ACSM3: variants seen among roughly 807,000 people sequenced by gnomAD.
ACSM3 encodes acyl-coenzyme A synthetase ACSM3, mitochondrial.
A neutral mutation model predicts 74.1 loss-of-function variants in ACSM3; 61 were observed. The ratio of observed to expected loss-of-function variants is 0.82; its 90% CI spans 0.67 to 1.02. The LOEUF (loss-of-function observed/expected upper bound fraction) is 1.02. Ranked by LOEUF, ACSM3 falls within the 50% of genes least tolerant of loss-of-function variation. The pLI, the probability that ACSM3 is intolerant of heterozygous loss-of-function variation, is 0.00. For missense variants in ACSM3, 660 were observed against 697.0 expected, an observed-to-expected ratio of 0.95 and a Z score of 0.60; for synonymous variants, 213 against 241.5, an observed-to-expected ratio of 0.88 and a Z score of 1.09.
At chr16:20,705,018 T>C (rs1296607069) in intron 1 of ACSM3, among the ~76,000 whole-genome samples, 1 of 152,218 alleles carries the variant, frequency 6.6e-6, no homozygotes, top group Non-Finnish European at 1.5e-5. Flanking sequence ...TACTATGTAG[T>C]ATTTTCCATA....
At chr16:20,713,880 G>A (rs1304783889) in intron 1 of ACSM3, among the ~76,000 whole-genome samples, 1 of 152,186 alleles carries the variant, frequency 6.6e-6, no homozygotes, top group African/African-American at 2.4e-5. Context: ...AGGGAAAGCT[G>A]TCTCATTGCC....
At chr16:20,704,211 T>C (rs1311643584) in intron 1 of ACSM3, among the ~76,000 whole-genome samples, 1 of 152,222 alleles carries the variant, frequency 6.6e-6, no homozygotes, top group Non-Finnish European at 1.5e-5. Context: ...ATTTATTGAA[T>C]GTTTGTTTCA....
chr16:20,690,864 TA>T, intron 1 of ACSM3: 1 of 820,416 alleles, frequency 1.2e-6, no homozygotes, highest in Non-Finnish European at 1.8e-6. Context: ...CCTTGAAATA[TA>T]AGCTTCTTCC....
At chr16:20,784,868 A>G in intron 7 of ACSM3, 116 bp from the exon 8 acceptor site, 2 of 1,112,402 alleles carry the variant, frequency 1.8e-6, no homozygotes, top group Non-Finnish European at 2.5e-6. Flanking sequence ...TGTGCTAGGG[A>G]GAGGAATTAA....
chr16:20,733,205 T>C (rs924393711), intron 1 of ACSM3, among the ~76,000 whole-genome samples: 1 of 152,138 alleles, frequency 6.6e-6, no homozygotes, highest in South Asian at 2.1e-4. Context: ...AATGATGGTT[T>C]CTAGTGTTTA....
chr16:20,755,434 A>C (rs1458117169), intron 2 of ACSM3: 1 of 152,148 alleles, frequency 6.6e-6, no homozygotes, highest in African/African-American at 2.4e-5. Flanking sequence ...TAAATGAAAA[A>C]AATATATATC....
chr16:20,793,788 G>A (rs755059829), intron 12 of ACSM3, among the ~76,000 whole-genome samples: 2 of 152,204 alleles, frequency 1.3e-5, no homozygotes, highest in South Asian at 2.1e-4. Context: ...AAGGTTTCAC[G>A]AGTCTTAGCT....
intron 4 of ACSM3, chr16:20,780,316 A>C (rs1567353169): frequency 3.1e-6 from 1 of 321,062 alleles, no homozygotes; most frequent in African/African-American, 2.1e-5. Context: ...TAACATACTC[A>C]TTTTTAAAAA....
rs1414833232 is a variant in ACSM3, at chr16:20,681,131, C to G, written c.-190+6309C>G. 4 of 152,218 alleles carry G rather than the reference C, an allele frequency of 2.6e-5. No individual in the cohort carries two copies. In the East Asian group the frequency reaches 7.7e-4, roughly 29 times the overall value. The allele number at this position is 152,218 out of a possible 1,614,324, so 9.4% of individuals were successfully genotyped here. A position where few individuals can be genotyped will look rare whatever the true frequency, so the allele number is the denominator to read the frequency against. On this transcript the variant is annotated intron_variant, in intron 1 of 3. Transcript: ENST00000561584. ...AGATGGGTCATGGGGTTACCACACC[C>G]CAATCTATATGCTCAACTGCATCAT...
At chr16:20,763,183 G>A (rs148132233), upstream of ACSM3, among the ~76,000 whole-genome samples, 2 of 152,236 alleles carry the variant, frequency 1.3e-5, no homozygotes, top group East Asian at 1.9e-4. Flanking sequence ...AGCTATTCCA[G>A]GCAATAGATA....
At chr16:20,759,447 C>T (rs931711030), upstream of ACSM3, among the ~76,000 whole-genome samples, 30 of 151,236 alleles carry the variant, frequency 2.0e-4, no homozygotes, top group African/African-American at 6.1e-4. Context: ...GTAGTCCCAG[C>T]TACTCAGGAG....
chr16:20,705,384 A>AC (rs1183753708), intron 1 of ACSM3, among the ~76,000 whole-genome samples: 2 of 152,016 alleles, frequency 1.3e-5, no homozygotes, highest in Non-Finnish European at 1.5e-5. Context: ...GAAAAAAAAA[A>AC]AAAAACAACT....
chr16:20,742,046 C>T lies in ACSM3; in HGVS notation c.-189-7864C>T, dbSNP rs750450651. The T allele has an allele frequency of 1.1e-4, 147 of 1,395,678 alleles. 1 individual carries two copies. Among genetic ancestry groups the T allele is most frequent in the Middle Eastern group, 9.8e-4 (5 of 5,096 alleles). 86.5% of individuals were successfully genotyped at this position (1,395,678 alleles called of 1,614,324 possible). On this transcript the variant is annotated intron_variant, in intron 1 of 3. Coordinates refer to the ACSM3 transcript ENST00000561584. Reference sequence around the variant, plus strand: ...CTCAAGCCCTTGAAGCTGGCTCCAGCCATATAGCTTCTTCCACCCAACCTT... The same window carrying T: ...CTCAAGCCCTTGAAGCTGGCTCCAGTCATATAGCTTCTTCCACCCAACCTT...
At chr16:20,675,085 G>A (rs2020188001) in intron 1 of ACSM3, among the ~76,000 whole-genome samples, 1 of 152,190 alleles carries the variant, frequency 6.6e-6, no homozygotes. Context: ...CCAACTGGGA[G>A]TGTGTGGGTG....
Position 20,753,895 on chromosome 16 carries a change from AAAG to A in ACSM3, c.-95-1675_-95-1673del, listed in dbSNP as rs2152435817. ...AGAAAAGAGAGAGAGAGAAAGAAAG[AAAG>A]AAAAGAATGAAAGAAAGAAAAAAAA... On this transcript the variant is annotated intron_variant, in intron 2 of 3. Coordinates refer to the ACSM3 transcript ENST00000561584. Among the ~76,000 whole-genome samples the A allele has an allele frequency of 1.3e-5, 2 of 152,180 alleles. 1 individual carries two copies. The highest frequency in any genetic ancestry group is 3.9e-4 in the East Asian group (2 of 5,172).
At chr16:20,715,521 T>G (rs1196503147) in intron 1 of ACSM3, among the ~76,000 whole-genome samples, 1 of 152,072 alleles carries the variant, frequency 6.6e-6, no homozygotes, top group African/African-American at 2.4e-5. Context: ...GGAGGATCAG[T>G]TGAACCTGGG....
chr16:20,758,716 G>C (rs1357031193), intron 3 of ACSM3, among the ~76,000 whole-genome samples: 26 of 151,076 alleles, frequency 1.7e-4, no homozygotes, highest in African/African-American at 6.3e-4. Context: ...TTTTAATTGT[G>C]ATGTTAGGGT....
At chr16:20,779,435 A>AAAAAG (rs1555486874) in intron 4 of ACSM3, among the ~76,000 whole-genome samples, 2 of 151,514 alleles carry the variant, frequency 1.3e-5, no homozygotes, top group African/African-American at 2.4e-5. Context: ...CAAAAAAAAA[A>AAAAAG]AAAAGAAAAG....
chr16:20,741,912 G>A (rs1307864752), intron 1 of ACSM3: 7 of 1,534,450 alleles, frequency 4.6e-6, no homozygotes, highest in Non-Finnish European at 6.1e-6. Flanking sequence ...ATCGTGAAAG[G>A]GGTGGAGTGA....
Sources: allele counts gnomAD v4.1 joint callset (sites outside exome capture counted in the v4.1 genomes callset), GRCh38; gene constraint gnomAD v4.1.1; transcripts MANE v1.5; gene names NCBI Gene and HGNC (gene_info 2026-07-23, HGNC 2026-07-21).